Variants in FAT3 observed in about 807,000 individuals in gnomAD.
FAT3 encodes protocadherin Fat 3.
In FAT3, 95 loss-of-function variants were observed where a neutral mutation model predicts 310.2. The observed-to-expected ratio is 0.31, with a 90% CI of 0.26 to 0.36. FAT3 has a LOEUF of 0.36. FAT3 is among the 10% of genes least tolerant of loss of function. FAT3 has a pLI of 1.00. For missense variants in FAT3, 5,408 were observed against 5,715.6 expected (o/e 0.95, Z 1.74); for synonymous variants, 2,314 against 2,192.9 (o/e 1.06, Z -1.54).
Position 92,353,536 on chromosome 11 carries a change from C to CACT in FAT3, c.1425_1427dup (p.Leu476dup). 1 of 1,613,716 alleles carries CACT rather than the reference C, an allele frequency of 6.2e-7. No homozygotes were observed. Among genetic ancestry groups the CACT allele is most frequent in the Non-Finnish European group, 8.5e-7 (1 of 1,179,828 alleles). ...GACCACACCCCAGAATTTCAGCAAC[C>CACT]ACTGTATGATGCTTATGTGAATGAA... On this transcript the variant is annotated inframe_insertion, in exon 2 of 28. Coordinates refer to ENST00000525166, the MANE Select transcript of FAT3 (RefSeq NM_001367949.2).
intron 1 of FAT3, among the ~76,000 whole-genome samples, chr11:92,246,470 G>T (rs952793683): frequency 6.6e-6 from 1 of 152,072 alleles, no homozygotes. Context: ...GATTAAGACA[G>T]TGTGCAGCTG....
Position 92,505,325 on chromosome 11 carries a change from G to C in FAT3, c.3293-19309G>C, listed in dbSNP as rs551549725. On this transcript the variant is annotated intron_variant, in intron 2 of 27. Coordinates refer to ENST00000525166, the MANE Select transcript of FAT3 (RefSeq NM_001367949.2). ...GACTGATGCTGCTTCCACAACTGTT[G>C]TTGGGCTTCTTTGAACTTTCCTGGA... 2.0e-5 allele frequency among the ~76,000 whole-genome samples: 3 copies of C among 152,248 alleles called. No homozygotes were observed. In the East Asian group the frequency reaches 5.8e-4, roughly 29 times the overall value.
intron 1 of FAT3, among the ~76,000 whole-genome samples, chr11:92,235,221 C>T (rs987016892): frequency 2.6e-5 from 4 of 152,200 alleles, no homozygotes; most frequent in Admixed American, 6.5e-5. Context: ...GGCCTCTTGT[C>T]TTCTGCAGCC....
intron 1 of FAT3, among the ~76,000 whole-genome samples, chr11:92,282,234 C>T (rs1399800770): frequency 6.6e-6 from 1 of 152,144 alleles, no homozygotes; most frequent in Non-Finnish European, 1.5e-5. Context: ...TCCTGATGTC[C>T]CTAGTCTGAT....
chr11:92,796,345 G>A (rs1026493761), intron 9 of FAT3, among the ~76,000 whole-genome samples: 1 of 152,046 alleles, frequency 6.6e-6, no homozygotes, highest in African/African-American at 2.4e-5. Context: ...ATTCACATTT[G>A]GGGGGGCTGG....
At chr11:92,230,332 T>C (rs1864114875) in intron 1 of FAT3, among the ~76,000 whole-genome samples, 2 of 152,174 alleles carry the variant, frequency 1.3e-5, no homozygotes, top group Admixed American at 6.5e-5. Context: ...CTCGCTCCAT[T>C]GCCCAGGCTG....
rs559601349 is a variant in FAT3, at chr11:92,824,777, CT to C, written c.9482-6835del. ...CCACTTTGATAGAAATCCCTTCTGCCTTTTTTTTTTCCACAAAACTAGGCTC... is the reference window on the plus strand; with the variant it reads ...CCACTTTGATAGAAATCCCTTCTGCCTTTTTTTTTCCACAAAACTAGGCTC... On this transcript the variant is annotated intron_variant, in intron 13 of 27. Transcript: ENST00000525166. Among the ~76,000 whole-genome samples, 212 of 147,708 alleles carry C rather than the reference CT, an allele frequency of 1.4e-3. 3 individuals are homozygous for C. Among genetic ancestry groups the C allele is most frequent in the African/African-American group, 4.1e-3 (166 of 40,492 alleles).
At chr11:92,414,737 G>A (rs1025863688) in intron 2 of FAT3, among the ~76,000 whole-genome samples, 9 of 152,158 alleles carry the variant, frequency 5.9e-5, no homozygotes, top group Admixed American at 5.9e-4. Context: ...TAGGCCGGGC[G>A]TGGTGGCTCA....
intron 3 of FAT3, among the ~76,000 whole-genome samples, chr11:92,532,550 A>G (rs550036879): frequency 3.3e-4 from 51 of 152,330 alleles, no homozygotes; most frequent in African/African-American, 1.2e-3. Flanking sequence ...TACTTGAAAT[A>G]GAATCCATTA....
At chr11:92,768,532 C>T (rs1946378830) in intron 6 of FAT3, among the ~76,000 whole-genome samples, 1 of 152,148 alleles carries the variant, frequency 6.6e-6, no homozygotes, top group Admixed American at 6.5e-5. Flanking sequence ...TCTTTAAATA[C>T]CTATTGTTTC....
intron 3 of FAT3, among the ~76,000 whole-genome samples, chr11:92,544,360 G>A (rs1036613936): frequency 2.6e-5 from 4 of 152,046 alleles, no homozygotes; most frequent in African/African-American, 9.7e-5. Context: ...AGCTAGAAGG[G>A]AATAAGTCAA....
At chr11:92,872,397 C>G (rs1949411653) in intron 22 of FAT3, among the ~76,000 whole-genome samples, 2 of 152,232 alleles carry the variant, frequency 1.3e-5, no homozygotes, top group Admixed American at 6.5e-5. Context: ...GCTCCACCCA[C>G]TGGCTTACTG....
At chr11:92,611,414 C>T (rs1226188160) in intron 3 of FAT3, among the ~76,000 whole-genome samples, 3 of 152,188 alleles carry the variant, frequency 2.0e-5, no homozygotes, top group African/African-American at 2.4e-5. Flanking sequence ...GCCACTATGC[C>T]CAGCATTTTT....
In FAT3 at chr11:92,623,765, A is replaced by G. The variant is rs1454625138; in HGVS notation, c.3608-73619A>G. ...GAGACCATCCTGGCTAACATGGTGA[A>G]ACCCCGTCTCTACTAAAAATACAAA... On this transcript the variant is annotated intron_variant, in intron 3 of 27. Coordinates refer to ENST00000525166, the MANE Select transcript of FAT3 (RefSeq NM_001367949.2). Among the ~76,000 whole-genome samples, 3 of 152,068 alleles carry G rather than the reference A, an allele frequency of 2.0e-5. No homozygotes were observed. The East Asian group carries it at 5.8e-4, about 30-fold the overall frequency.
chr11:92,500,706 C>T (rs980883045), intron 2 of FAT3, among the ~76,000 whole-genome samples: 3 of 151,958 alleles, frequency 2.0e-5, no homozygotes, highest in African/African-American at 7.3e-5. Flanking sequence ...TCGGTTTTGC[C>T]AGCAGCAGAA....
rs181302541 is a variant in FAT3, at chr11:92,884,181, G to A, written c.12937+788G>A. ...GCTTGGTGTGTAGAAGAACACAGAG[G>A]AGGTCGGTGCAGTTGGAGCTTGCTG... is the stretch of plus-strand genomic sequence containing the variant. On this transcript the variant is annotated intron_variant, in intron 24 of 27. Coordinates refer to ENST00000525166, the MANE Select transcript of FAT3 (RefSeq NM_001367949.2). Among the ~76,000 whole-genome samples the A allele has an allele frequency of 2.6e-5, 4 of 152,328 alleles. No individual in the cohort carries two copies. In the East Asian group the frequency reaches 7.7e-4, roughly 29 times the overall value.
chr11:92,548,627 G>A (rs3858362), intron 3 of FAT3, among the ~76,000 whole-genome samples: 23,006 of 152,090 alleles, frequency 0.15, 1,934 homozygotes, highest in East Asian at 0.29. Flanking sequence ...AAATTAATTT[G>A]TACAAAGTAC....
At chr11:92,387,709 G>A (rs911511120) in intron 2 of FAT3, among the ~76,000 whole-genome samples, 3 of 152,052 alleles carry the variant, frequency 2.0e-5, no homozygotes, top group Non-Finnish European at 4.4e-5. Context: ...ATAGGAGACA[G>A]AGAAAGGTTA....
intron 3 of FAT3, among the ~76,000 whole-genome samples, chr11:92,609,135 C>A (rs186261425): frequency 7.2e-5 from 11 of 152,244 alleles, no homozygotes; most frequent in Admixed American, 7.2e-4. Context: ...TTCTTTTTTA[C>A]TGATATTTAT....
Sources: gnomAD v4.1 joint callset for allele counts (sites outside exome capture counted in the v4.1 genomes callset) on GRCh38, gnomAD v4.1.1 for gene constraint, MANE v1.5 for transcripts, NCBI Gene and HGNC (gene_info 2026-07-23, HGNC 2026-07-21) for gene names.